Variants in PCDHA10 observed in about 807,000 individuals in gnomAD.
PCDHA10 encodes the protein protocadherin alpha 10, also known as protocadherin alpha-10.
A neutral mutation model predicts 61.2 loss-of-function variants in PCDHA10; 45 were observed. The observed-to-expected ratio is 0.74, with a 90% CI of 0.58 to 0.94. The LOEUF (loss-of-function observed/expected upper bound fraction) is 0.94. PCDHA10 is among the 40% of genes least tolerant of loss of function. The pLI is 0.00. For synonymous variants in PCDHA10, 602 were observed against 548.8 expected, an observed-to-expected ratio of 1.10 and a Z score of -1.35; for missense variants, 1,278 against 1,236.2, an observed-to-expected ratio of 1.03 and a Z score of -0.51.
intron 1 of PCDHA10, chr5:140,968,252 C>T: frequency 1.2e-6 from 2 of 1,613,948 alleles, no homozygotes; most frequent in Non-Finnish European, 1.7e-6. Context: ...AGCCACAGAC[C>T]CAGATGAAAA....
chr5:140,859,927 A>G (rs1296278263), intron 1 of PCDHA10: 2 of 152,054 alleles, frequency 1.3e-5, no homozygotes, highest in African/African-American at 2.4e-5. Context: ...AGTAATATAA[A>G]AAACTTAGTA....
chr5:140,928,043 C>A (rs1554205400), intron 1 of PCDHA10: 1 of 1,614,192 alleles, frequency 6.2e-7, no homozygotes, highest in Non-Finnish European at 8.5e-7. Context: ...AGTGCAGGCC[C>A]TTTTCAGCTG....
rs200732213 is a variant in PCDHA10, at chr5:140,863,214, A to G, written c.2388+4778A>G. On this transcript the variant is annotated intron_variant, in intron 1 of 3. Transcript: ENST00000307360. ...TGGCGTCGCTGGCGGAGAGCAGCCA[A>G]GCGAGGAAGGTCCCATCGCGGGCTT... The G allele has an allele frequency of 2.6e-3, 2,761 of 1,068,920 alleles. 12 individuals carry two copies. The highest frequency in any genetic ancestry group is 9.8e-3 in the Middle Eastern group (44 of 4,506). The allele number at this position is 1,068,920 out of a possible 1,614,324, so 66.2% of individuals were successfully genotyped here. A position where few individuals can be genotyped will look rare whatever the true frequency, so the allele number is the denominator to read the frequency against.
chr5:140,945,246 G>A (rs1257337219), intron 1 of PCDHA10, among the ~76,000 whole-genome samples: 1 of 151,864 alleles, frequency 6.6e-6, no homozygotes, highest in African/African-American at 2.4e-5. Context: ...TTAACCAAGA[G>A]GATGAAAGAC....
At chr5:140,922,371 T>G (rs1194947703) in intron 1 of PCDHA10, among the ~76,000 whole-genome samples, 1 of 152,204 alleles carries the variant, frequency 6.6e-6, no homozygotes, top group Non-Finnish European at 1.5e-5. Context: ...CTCACTGAGA[T>G]GCAAAACCAA....
Position 140,857,675 on chromosome 5 carries a change from C to T in PCDHA10, c.1627C>T (p.Pro543Ser), listed in dbSNP as rs1343696069. 3.1e-6 allele frequency: 5 copies of T among 1,596,928 alleles called. No individual in the cohort carries two copies. Among genetic ancestry groups the T allele is most frequent in the Admixed American group, 3.4e-5 (2 of 59,278 alleles). The change falls in exon 1 of 4, where the codon CCT becomes TCT. Residue 543 changes from proline to serine, a missense_variant. Coordinates refer to ENST00000307360, the MANE Select transcript of PCDHA10 (RefSeq NM_018901.4). ...GAGCGCGCGCGATGGGGGCGTGCCGCCTCTGGGCAGCAACTTGACGCTGCA... is the reference window on the plus strand; with the variant it reads ...GAGCGCGCGCGATGGGGGCGTGCCGTCTCTGGGCAGCAACTTGACGCTGCA... ...QVSARDGGVP[P>S]LGSNLTLQVF...
intron 1 of PCDHA10, among the ~76,000 whole-genome samples, chr5:140,899,954 T>C (rs1240765868): frequency 6.6e-6 from 1 of 151,586 alleles, no homozygotes; most frequent in Non-Finnish European, 1.5e-5. Context: ...ACCACAGGCA[T>C]GTGCTGCCAT....
chr5:140,929,285 T>C, intron 1 of PCDHA10: 15 of 1,600,688 alleles, frequency 9.4e-6, no homozygotes, highest in Non-Finnish European at 1.3e-5. Flanking sequence ...TGTATTCAGA[T>C]TCGGAATAGG....
chr5:140,908,490 G>A (rs149646315), intron 1 of PCDHA10, among the ~76,000 whole-genome samples: 2 of 152,140 alleles, frequency 1.3e-5, no homozygotes, highest in Admixed American at 6.5e-5. Context: ...GGCAGTTCAG[G>A]TTGCTTGGTG....
chr5:141,008,530 A>G (rs1176119695), intron 3 of PCDHA10, among the ~76,000 whole-genome samples: 2 of 152,128 alleles, frequency 1.3e-5, no homozygotes, highest in African/African-American at 4.8e-5. Context: ...ACTCTTGGGA[A>G]TGTCTTTTAT....
At chr5:140,967,331 C>T (rs2096128497) in intron 1 of PCDHA10, 1 of 1,608,078 alleles carries the variant, frequency 6.2e-7, no homozygotes, top group African/African-American at 1.3e-5. Context: ...CGAGCTCAGC[C>T]CCAGCGAGCA....
In PCDHA10 at chr5:140,869,699, C is replaced by A. The variant is rs10071369; in HGVS notation, c.2388+11263C>A. On this transcript the variant is annotated intron_variant, in intron 1 of 3. Transcript: ENST00000307360. ...AGACTGTCACTTATTTTAAAGAAGTCTCTGGATAGAGAGAAAACTCCGGAA... is the reference window on the plus strand; with the variant it reads ...AGACTGTCACTTATTTTAAAGAAGTATCTGGATAGAGAGAAAACTCCGGAA... 1,310 of 1,613,374 alleles carry A rather than the reference C, an allele frequency of 8.1e-4. 10 individuals carry two copies. In the African/African-American group the frequency reaches 0.014, roughly 18 times the overall value.
intron 1 of PCDHA10, chr5:140,967,577 C>G (rs141338011): frequency 1.2e-6 from 2 of 1,614,016 alleles, no homozygotes; most frequent in Non-Finnish European, 1.7e-6. Flanking sequence ...GGAGGACTCA[C>G]CCCCAGGCAC....
At chr5:140,884,498 G>C in intron 1 of PCDHA10, 5 of 1,614,076 alleles carry the variant, frequency 3.1e-6, no homozygotes, top group Non-Finnish European at 4.2e-6. Context: ...GTGCTCCAGC[G>C]CGGCAGGGAG....
chr5:140,993,539 T>C (rs1433781690), intron 3 of PCDHA10, among the ~76,000 whole-genome samples: 7 of 128,018 alleles, frequency 5.5e-5, no homozygotes, highest in Non-Finnish European at 1.0e-4. Flanking sequence ...GAGAGAGAGA[T>C]AGAGAAGTGA....
intron 3 of PCDHA10, among the ~76,000 whole-genome samples, chr5:140,997,912 A>T (rs2097790316): frequency 1.3e-5 from 2 of 152,224 alleles, no homozygotes. Context: ...GTAGAATTAC[A>T]GAATCATAGG....
At chr5:140,965,607 T>C (rs2095916367) in intron 1 of PCDHA10, among the ~76,000 whole-genome samples, 1 of 152,088 alleles carries the variant, frequency 6.6e-6, no homozygotes, top group Non-Finnish European at 1.5e-5. Flanking sequence ...CTTGAAGACA[T>C]TGTCATCCAT....
At chr5:140,968,881 C>A in intron 1 of PCDHA10, 1 of 1,614,154 alleles carries the variant, frequency 6.2e-7, no homozygotes, top group Non-Finnish European at 8.5e-7. Context: ...CTGAAATTAC[C>A]CTTTATCTAA....
At chr5:141,000,421 A>ATATTT (rs1265241806) in intron 3 of PCDHA10, among the ~76,000 whole-genome samples, 4 of 27,980 alleles carry the variant, frequency 1.4e-4, no homozygotes, top group Non-Finnish European at 1.1e-4. Context: ...ATATATATAT[A>ATATTT]TTTTTTTTTT....
Sources: gnomAD v4.1 joint callset for allele counts (sites outside exome capture counted in the v4.1 genomes callset) on GRCh38, gnomAD v4.1.1 for gene constraint, MANE v1.5 for transcripts, NCBI Gene and HGNC (gene_info 2026-07-23, HGNC 2026-07-21) for gene names.